CAMTA1: variants seen among roughly 807,000 people sequenced by gnomAD.
CAMTA1 encodes the protein calmodulin-binding transcription activator 1.
In CAMTA1, 27 loss-of-function variants were observed where a neutral mutation model predicts 170.9. The ratio of observed to expected loss-of-function variants is 0.16; its 90% CI spans 0.12 to 0.22. The LOEUF (loss-of-function observed/expected upper bound fraction) is 0.22. CAMTA1 is among the 10% of genes least tolerant of loss of function. CAMTA1 has a pLI of 1.00. For synonymous variants in CAMTA1, 833 were observed against 891.5 expected, an observed-to-expected ratio of 0.93 and a Z score of 1.17; for missense variants, 1,619 against 2,217.2, an observed-to-expected ratio of 0.73 and a Z score of 5.42.
intron 3 of CAMTA1, among the ~76,000 whole-genome samples, chr1:6,880,458 T>A (rs1671249279): frequency 1.3e-5 from 2 of 148,876 alleles, no homozygotes; most frequent in South Asian, 4.3e-4. Flanking sequence ...AACATGGTCT[T>A]AGCTCATGGC....
In CAMTA1 at chr1:7,486,687, C is replaced by T. The variant is rs140655896; in HGVS notation, c.510+18786C>T. Reference sequence around the variant, plus strand: ...TCAGGCTCCCTGTCTGTCCTGTGTCCGGGATGACCCAAGTGCATCTTTCAT... The same window carrying T: ...TCAGGCTCCCTGTCTGTCCTGTGTCTGGGATGACCCAAGTGCATCTTTCAT... On this transcript the variant is annotated intron_variant, in intron 6 of 22. Transcript: ENST00000303635. Among the ~76,000 whole-genome samples the T allele has an allele frequency of 5.5e-4, 83 of 152,282 alleles. No individual in the cohort carries two copies. The East Asian group carries it at 0.012, about 21-fold the overall frequency.
chr1:7,752,609 C>G, intron 21 of CAMTA1, 76 bp downstream of exon 21: 13 of 1,137,948 alleles, frequency 1.1e-5, no homozygotes, highest in Non-Finnish European at 1.5e-5. Flanking sequence ...CCCTCACTAA[C>G]TCCTATGTAA....
intron 4 of CAMTA1, among the ~76,000 whole-genome samples, chr1:7,178,676 T>C (rs1573681762): frequency 6.6e-6 from 1 of 151,968 alleles, no homozygotes; most frequent in South Asian, 2.1e-4. Context: ...ATGGGTAGGG[T>C]GGGGGTTCCG....
At chr1:7,135,224 T>C (rs1232325432) in intron 4 of CAMTA1, among the ~76,000 whole-genome samples, 1 of 151,950 alleles carries the variant, frequency 6.6e-6, no homozygotes, top group Non-Finnish European at 1.5e-5. Context: ...CTGTCTCTAC[T>C]AAAAATACAA....
intron 4 of CAMTA1, among the ~76,000 whole-genome samples, chr1:7,160,275 C>T (rs1464000174): frequency 6.6e-6 from 1 of 152,096 alleles, no homozygotes; most frequent in African/African-American, 2.4e-5. Context: ...TGACTTAACT[C>T]TCCCTATCAT....
chr1:7,497,228 C>T (rs1242583659), intron 6 of CAMTA1, among the ~76,000 whole-genome samples: 2 of 152,174 alleles, frequency 1.3e-5, no homozygotes, highest in African/African-American at 4.8e-5. Flanking sequence ...CAATCCCCAC[C>T]CATCAGACAC....
At chr1:6,956,193 A>G (rs1042453437) in intron 3 of CAMTA1, among the ~76,000 whole-genome samples, 2 of 152,146 alleles carry the variant, frequency 1.3e-5, no homozygotes, top group African/African-American at 4.8e-5. Context: ...GAGGCTGCTC[A>G]CTATGGTGGG....
At chr1:7,386,527 A>G (rs971434835) in intron 5 of CAMTA1, among the ~76,000 whole-genome samples, 3 of 152,090 alleles carry the variant, frequency 2.0e-5, no homozygotes, top group African/African-American at 7.2e-5. Flanking sequence ...CCCACGGTGG[A>G]TGTTCTTGGC....
chr1:6,926,496 C>CT (rs1355867828), intron 3 of CAMTA1, among the ~76,000 whole-genome samples: 1 of 140,726 alleles, frequency 7.1e-6, no homozygotes, highest in Non-Finnish European at 1.5e-5. Flanking sequence ...TTCTCTCTCT[C>CT]TTTTCTTCCT....
intron 3 of CAMTA1, among the ~76,000 whole-genome samples, chr1:6,881,409 A>T (rs1671539108): frequency 6.6e-6 from 1 of 152,204 alleles, no homozygotes; most frequent in African/African-American, 2.4e-5. Context: ...GTAGGTGTCT[A>T]GAGTGAGTAT....
intron 18 of CAMTA1, 104 bp from the exon 19 acceptor site, chr1:7,747,606 G>C (rs1365854895): frequency 1.6e-6 from 1 of 630,584 alleles, no homozygotes; most frequent in Non-Finnish European, 2.7e-6. Context: ...GGTAAACCTG[G>C]GATCTCAACT....
At chr1:6,850,255 G>C (rs1472174127) in intron 3 of CAMTA1, among the ~76,000 whole-genome samples, 1 of 152,142 alleles carries the variant, frequency 6.6e-6, no homozygotes, top group Non-Finnish European at 1.5e-5. Context: ...GCATGTCTGT[G>C]TGCTAAAAAT....
intron 4 of CAMTA1, among the ~76,000 whole-genome samples, chr1:7,246,386 C>T (rs926155799): frequency 3.3e-5 from 5 of 152,154 alleles, no homozygotes; most frequent in Admixed American, 3.3e-4. Context: ...CCACTGGTAC[C>T]GGGCACACAG....
intron 3 of CAMTA1, among the ~76,000 whole-genome samples, chr1:6,989,370 G>A (rs926304366): frequency 6.6e-6 from 1 of 152,188 alleles, no homozygotes; most frequent in East Asian, 1.9e-4. Flanking sequence ...ATTTACATGC[G>A]CTCTGCCAGA....
chr1:7,052,558 C>T (rs986165362), intron 3 of CAMTA1, among the ~76,000 whole-genome samples: 1 of 152,290 alleles, frequency 6.6e-6, no homozygotes, highest in Middle Eastern at 3.4e-3. Context: ...CGACTCAGCT[C>T]AGATTCCACA....
rs1051971230 is a variant in CAMTA1 at position 7,064,497 on chromosome 1, G to A, written c.235-26807G>A. ...GCGAATTTCCCTGGTGGGAAGTGCT[G>A]CAGAGGAAGAAGTGCTGGGAGGAGG... On this transcript the variant is annotated intron_variant, in intron 3 of 22. Transcript: ENST00000303635. This position sits in a 1 kb window ranked among gnomAD's most constrained non-coding sequence, Gnocchi z 5.4. 3.9e-5 allele frequency among the ~76,000 whole-genome samples: 6 copies of A among 152,186 alleles called. No homozygotes were observed. Among genetic ancestry groups the A allele is most frequent in the Non-Finnish European group, 8.8e-5 (6 of 68,032 alleles).
intron 5 of CAMTA1, among the ~76,000 whole-genome samples, chr1:7,467,172 C>T (rs1017383676): frequency 1.3e-5 from 2 of 152,212 alleles, no homozygotes; most frequent in African/African-American, 4.8e-5. Flanking sequence ...ACTTTCCACC[C>T]ACCTTCTCCA....
intron 11 of CAMTA1, among the ~76,000 whole-genome samples, chr1:7,690,113 A>T (rs1361258628): frequency 1.1e-4 from 16 of 152,230 alleles, no homozygotes; most frequent in Admixed American, 1.0e-3. Flanking sequence ...CGGTGAGTCA[A>T]GATTGCGCCA....
At chr1:6,942,659 TAAAAAAATAAA>T (rs1441402438) in intron 3 of CAMTA1, among the ~76,000 whole-genome samples, 1 of 151,962 alleles carries the variant, frequency 6.6e-6, no homozygotes, top group Non-Finnish European at 1.5e-5. Context: ...ACCCTGTCTC[TAAAAAAATAAA>T]AAATAAAACC....
Sources: allele counts gnomAD v4.1 joint callset (sites outside exome capture counted in the v4.1 genomes callset), GRCh38; gene constraint gnomAD v4.1.1; non-coding constraint Gnocchi (gnomAD v3.1); transcripts MANE v1.5; gene names NCBI Gene and HGNC (gene_info 2026-07-23, HGNC 2026-07-21).